Variants in RBFOX3 observed in about 807,000 individuals in gnomAD.
RBFOX3 encodes the protein RNA binding fox-1 homolog 3.
Under a neutral mutation model 48.7 loss-of-function variants are expected in RBFOX3, and 17 were observed. That is an observed-to-expected ratio of 0.35 (90% CI 0.24 to 0.52). The LOEUF (loss-of-function observed/expected upper bound fraction) is 0.52, where lower values mean the gene tolerates loss of function less well. Among genes scored for constraint, RBFOX3 ranks in the 20% least tolerant of loss-of-function variants. The pLI is 0.94. For synonymous variants in RBFOX3, 212 were observed against 209.5 expected (o/e 1.01, Z -0.10); for missense variants, 382 against 497.5 (o/e 0.77, Z 2.21).
intron 1 of RBFOX3, among the ~76,000 whole-genome samples, chr17:79,595,846 G>T (rs2093555933): frequency 6.6e-6 from 1 of 152,244 alleles, no homozygotes; most frequent in South Asian, 2.1e-4. Context: ...CGCATTCACA[G>T]GCTAAATATA....
In RBFOX3 at chr17:79,221,596, C is replaced by T. The variant is rs2059737779; in HGVS notation, c.-34+14170G>A. Among the ~76,000 whole-genome samples the T allele has an allele frequency of 2.0e-5, 3 of 152,244 alleles. No individual in the cohort carries two copies. In the South Asian group the frequency reaches 6.2e-4, roughly 32 times the overall value. On this transcript the variant is annotated intron_variant, in intron 4 of 14. Transcript: ENST00000693108. ...TTGGGTCCCCCAACCCAACTGTGTC[C>T]AGCTGTGGTAAGGTGGGGTCCGGGC...
chr17:79,499,817 G>T (rs1367729050), intron 1 of RBFOX3, among the ~76,000 whole-genome samples: 1 of 152,288 alleles, frequency 6.6e-6, no homozygotes, highest in Non-Finnish European at 1.5e-5. Context: ...GCCATTATCC[G>T]CATCATCATC....
At position 79,104,055 on chromosome 17, in the gene RBFOX3, G is replaced by A; in HGVS notation, c.414+18C>T. Reference sequence around the variant, plus strand: ...CTACAGCCGGCGCTGTAAGGCGGCAGCTCCGTGCGGCACCCACCTTGGAGC... The same window carrying A: ...CTACAGCCGGCGCTGTAAGGCGGCAACTCCGTGCGGCACCCACCTTGGAGC... On this transcript the variant is annotated intron_variant, in intron 7 of 14. Transcript: ENST00000693108. The A allele has an allele frequency of 6.5e-7, 1 of 1,549,084 alleles. No individual in the cohort carries two copies. Among genetic ancestry groups the A allele is most frequent in the South Asian group, 1.2e-5 (1 of 84,030 alleles).
intron 2 of RBFOX3, among the ~76,000 whole-genome samples, chr17:79,386,192 T>C (rs560955828): frequency 6.7e-6 from 1 of 150,002 alleles, no homozygotes; most frequent in Non-Finnish European, 1.5e-5. Flanking sequence ...AGATGGGGGT[T>C]CCAACACCTC....
chr17:79,280,197 C>T lies in RBFOX3; in HGVS notation c.-74+27527G>A, dbSNP rs1277728160. Among the ~76,000 whole-genome samples the T allele has an allele frequency of 2.0e-5, 3 of 150,242 alleles. No individual in the cohort carries two copies. In the East Asian group the frequency reaches 5.9e-4, roughly 30 times the overall value. ...ACTCACACACACATGCACACTTATA[C>T]ACACCACACACTCACAAACATGCAC... On this transcript the variant is annotated intron_variant, in intron 3 of 14. Coordinates refer to ENST00000693108, the MANE Select transcript of RBFOX3 (RefSeq NM_001350451.2).
chr17:79,631,402 G>A, the RBFOX3 span, among the ~76,000 whole-genome samples: 2 of 152,064 alleles, frequency 1.3e-5, no homozygotes, highest in African/African-American at 4.8e-5. Context: ...GGCCTATTTG[G>A]AGGCTTAGGG....
chr17:79,204,546 A>G lies in RBFOX3; in HGVS notation c.-34+31220T>C, dbSNP rs1242718099. Among the ~76,000 whole-genome samples the G allele has an allele frequency of 6.6e-6, 1 of 152,188 alleles. No homozygotes were observed. The highest frequency in any genetic ancestry group is 2.4e-5 in the African/African-American group (1 of 41,442). ...CTGGAACTACTTTGGTGGAGTATTA[A>G]AGAAGGGGTCCGAAGGCCCCAGATG... On this transcript the variant is annotated intron_variant, in intron 4 of 14. Transcript: ENST00000693108. This position sits in a 1 kb window ranked among gnomAD's most constrained non-coding sequence, Gnocchi z 4.5.
At chr17:79,620,608 CAT>C in the RBFOX3 span, among the ~76,000 whole-genome samples, 4 of 145,036 alleles carry the variant, frequency 2.8e-5, no homozygotes, top group African/African-American at 7.8e-5. Context: ...CGCACGCACA[CAT>C]GCACACACGC....
the RBFOX3 span, among the ~76,000 whole-genome samples, chr17:79,620,121 A>T: frequency 6.7e-6 from 1 of 148,308 alleles, no homozygotes; most frequent in African/African-American, 2.5e-5. Flanking sequence ...GCATATGCAC[A>T]CATACACACA....
At position 79,205,022 on chromosome 17, in the gene RBFOX3, C is replaced by T. The variant is rs377478002; in HGVS notation, c.-34+30744G>A. Among the ~76,000 whole-genome samples, 15 of 152,096 alleles carry T rather than the reference C, an allele frequency of 9.9e-5. No homozygotes were observed. Among genetic ancestry groups the T allele is most frequent in the African/African-American group, 2.4e-4 (10 of 41,412 alleles). On this transcript the variant is annotated intron_variant, in intron 4 of 14. Coordinates refer to ENST00000693108, the MANE Select transcript of RBFOX3 (RefSeq NM_001350451.2). This position sits in a 1 kb window ranked among gnomAD's most constrained non-coding sequence, Gnocchi z 4.5. ...GCAGAGAACTCCTCAGTCATCACAA[C>T]GGGAAACTGCAGTACCATATCCAGT... is the stretch of plus-strand genomic sequence containing the variant.
chr17:79,245,659 ACT>A (rs1309328060), intron 3 of RBFOX3, among the ~76,000 whole-genome samples: 1 of 131,742 alleles, frequency 7.6e-6, no homozygotes, highest in African/African-American at 2.9e-5. Context: ...GAGACACCTA[ACT>A]CTGTCGCCCA....
chr17:79,237,093 G>T (rs1212584433), intron 3 of RBFOX3, among the ~76,000 whole-genome samples: 1 of 152,146 alleles, frequency 6.6e-6, no homozygotes, highest in Non-Finnish European at 1.5e-5. Flanking sequence ...GCTCCAAAAA[G>T]AATATCCATA....
intron 3 of RBFOX3, among the ~76,000 whole-genome samples, chr17:79,262,852 C>T (rs1007203410): frequency 7.2e-5 from 11 of 152,256 alleles, no homozygotes; most frequent in Non-Finnish European, 1.3e-4. Context: ...CCCAATAGGG[C>T]GAGGCTCCTT....
At chr17:79,574,672 G>A (rs1030468443) in intron 1 of RBFOX3, among the ~76,000 whole-genome samples, 7 of 152,192 alleles carry the variant, frequency 4.6e-5, no homozygotes, top group African/African-American at 1.2e-4. Flanking sequence ...AGCCCATGCC[G>A]CTGCTCCGCC....
chr17:79,634,147 C>T, the RBFOX3 span, among the ~76,000 whole-genome samples: 7 of 152,318 alleles, frequency 4.6e-5, no homozygotes, highest in Admixed American at 2.6e-4. Context: ...AGGGCCACCT[C>T]CACACCTCTC....
At position 79,411,326 on chromosome 17, in the gene RBFOX3, A is replaced by C. The variant is rs563067155; in HGVS notation, c.-175+71128T>G. Reference sequence around the variant, plus strand: ...TGATCTGCTCACACCAAATGCAAAAACCAAAACCCACTGAGACTCATTCTG... The same window carrying C: ...TGATCTGCTCACACCAAATGCAAAACCCAAAACCCACTGAGACTCATTCTG... On this transcript the variant is annotated intron_variant, in intron 2 of 14. Coordinates refer to ENST00000693108, the MANE Select transcript of RBFOX3 (RefSeq NM_001350451.2). 1.4e-4 allele frequency among the ~76,000 whole-genome samples: 22 copies of C among 152,072 alleles called. No individual in the cohort carries two copies. In the South Asian group the frequency reaches 3.7e-3, roughly 26 times the overall value.
At chr17:79,285,204 C>T (rs565014408) in intron 3 of RBFOX3, among the ~76,000 whole-genome samples, 7 of 152,322 alleles carry the variant, frequency 4.6e-5, no homozygotes, top group South Asian at 2.1e-4. Flanking sequence ...ACCCTCTCCT[C>T]GCTCCTGCAC....
intron 2 of RBFOX3, among the ~76,000 whole-genome samples, chr17:79,397,170 C>T (rs898530373): frequency 6.6e-6 from 1 of 152,162 alleles, no homozygotes; most frequent in African/African-American, 2.4e-5. Context: ...TATTTACATT[C>T]AAATAAGTGA....
At chr17:79,120,508 T>G (rs889475279) in intron 4 of RBFOX3, among the ~76,000 whole-genome samples, 2 of 151,276 alleles carry the variant, frequency 1.3e-5, no homozygotes, top group African/African-American at 4.9e-5. Context: ...GCTGAATGAA[T>G]GAGAGGGCAG....
Sources: allele counts gnomAD v4.1 joint callset (sites outside exome capture counted in the v4.1 genomes callset), GRCh38; gene constraint gnomAD v4.1.1; non-coding constraint Gnocchi (gnomAD v3.1); transcripts MANE v1.5; gene names NCBI Gene and HGNC (gene_info 2026-07-23, HGNC 2026-07-21).